Variants in TRIM2 observed in about 807,000 individuals in gnomAD.
TRIM2 encodes the protein tripartite motif-containing protein 2.
TRIM2 carries 20 observed loss-of-function variants against 75.2 expected under a neutral mutation model. The observed-to-expected ratio is 0.27, with a 90% CI of 0.19 to 0.39. The LOEUF (loss-of-function observed/expected upper bound fraction) is 0.39. TRIM2 is among the 10% of genes least tolerant of loss of function. TRIM2 has a pLI of 1.00. For synonymous variants in TRIM2, 373 were observed against 388.3 expected (o/e 0.96, Z 0.46); for missense variants, 660 against 990.8 (o/e 0.67, Z 4.48).
At chr4:153,304,003 G>C (rs1410991136) in intron 6 of TRIM2, among the ~76,000 whole-genome samples, 1 of 152,202 alleles carries the variant, frequency 6.6e-6, no homozygotes, top group East Asian at 1.9e-4. Flanking sequence ...ACATGTAAAA[G>C]ATGGAGTGCC....
intron 6 of TRIM2, among the ~76,000 whole-genome samples, chr4:153,310,718 A>C (rs966786421): frequency 6.6e-6 from 1 of 152,252 alleles, no homozygotes; most frequent in Non-Finnish European, 1.5e-5. Flanking sequence ...AGGAATCCCA[A>C]CCAGCCATTC....
At chr4:153,271,980 T>A (rs1756794445) in intron 2 of TRIM2, among the ~76,000 whole-genome samples, 2 of 152,162 alleles carry the variant, frequency 1.3e-5, no homozygotes, top group South Asian at 4.1e-4. Flanking sequence ...CTGCCCTAGG[T>A]CTGCCCCTGC....
chr4:153,215,924 C>A (rs367923624), intron 1 of TRIM2, among the ~76,000 whole-genome samples: 3 of 152,220 alleles, frequency 2.0e-5, no homozygotes, highest in African/African-American at 2.4e-5. Flanking sequence ...TAGTCCCAAG[C>A]AATACAGTTC....
chr4:153,154,125 C>G (rs74930738), intron 1 of TRIM2, among the ~76,000 whole-genome samples: 1 of 152,324 alleles, frequency 6.6e-6, no homozygotes, highest in Admixed American at 6.5e-5. Context: ...TAAAGAAACT[C>G]GGCCCTTCCC....
chr4:153,213,675 A>C (rs929722287), intron 1 of TRIM2, among the ~76,000 whole-genome samples: 3 of 152,056 alleles, frequency 2.0e-5, no homozygotes, highest in African/African-American at 4.8e-5. Flanking sequence ...TTACAGGTGC[A>C]TGCCACCATG....
Position 153,328,678 on chromosome 4 carries a change from A to T in TRIM2, c.2163+8A>T. The T allele has an allele frequency of 1.2e-6, 2 of 1,602,066 alleles. No homozygotes were observed. The highest frequency in any genetic ancestry group is 1.7e-6 in the Non-Finnish European group (2 of 1,175,994). ...GGAAACAGCAGGATCCAGGTAGATC[A>T]ATGTGCTAATGTATATGGTTAGAGT... On this transcript the variant is annotated splice_region_variant and intron_variant, in intron 11 of 11. Coordinates refer to ENST00000338700, the MANE Select transcript of TRIM2 (RefSeq NM_015271.5).
At chr4:153,245,822 G>A (rs1035628537) in intron 1 of TRIM2, among the ~76,000 whole-genome samples, 13 of 152,132 alleles carry the variant, frequency 8.5e-5, no homozygotes, top group African/African-American at 3.1e-4. Context: ...GACTACAGGT[G>A]TGCACCACCA....
upstream of TRIM2, among the ~76,000 whole-genome samples, chr4:153,199,723 T>C (rs1043031528): frequency 6.6e-6 from 1 of 152,184 alleles, no homozygotes; most frequent in African/African-American, 2.4e-5. Context: ...TGCACAAATA[T>C]AATGGATGAA....
At chr4:153,204,025 C>A (rs1734764704), upstream of TRIM2, among the ~76,000 whole-genome samples, 2 of 152,216 alleles carry the variant, frequency 1.3e-5, no homozygotes, top group African/African-American at 4.8e-5. Context: ...AACTAACTTT[C>A]TTGGCCTTTG....
Position 153,244,403 on chromosome 4 carries a change from TTC to T in TRIM2, c.31-25930_31-25929del, listed in dbSNP as rs1491135405. Reference sequence around the variant, plus strand: ...CTTCTTCTTCTTCTTCTTCTTCTTCTTCTTCTTCTTCTTCTTCTTCTTCTTCT... The same window carrying T: ...CTTCTTCTTCTTCTTCTTCTTCTTCTTTCTTCTTCTTCTTCTTCTTCTTCT... On this transcript the variant is annotated intron_variant, in intron 1 of 11. Coordinates refer to ENST00000338700, the MANE Select transcript of TRIM2 (RefSeq NM_015271.5). Among the ~76,000 whole-genome samples, 156 of 88,362 alleles carry T rather than the reference TTC, an allele frequency of 1.8e-3. 8 individuals carry two copies. The highest frequency in any genetic ancestry group is 2.3e-3 in the Non-Finnish European group (113 of 48,670). 58.0% of individuals were successfully genotyped at this position (88,362 alleles called of 152,430 possible).
intron 1 of TRIM2, among the ~76,000 whole-genome samples, chr4:153,235,087 T>G (rs1007307492): frequency 1.3e-5 from 2 of 151,740 alleles, no homozygotes; most frequent in African/African-American, 4.8e-5. Context: ...CTTGTTCCAC[T>G]TTTTTGTTGT....
Position 153,335,930 on chromosome 4 carries a change from A to G in TRIM2, c.*964A>G, listed in dbSNP as rs1299369133. 13 of 985,752 alleles carry G rather than the reference A, an allele frequency of 1.3e-5. No individual in the cohort carries two copies. The highest frequency in any genetic ancestry group is 1.6e-5 in the Non-Finnish European group (13 of 829,946). 61.1% of individuals were successfully genotyped at this position (985,752 alleles called of 1,614,324 possible). On this transcript the variant is annotated 3_prime_UTR_variant, in exon 12 of 12. Transcript: ENST00000338700. ...AGAGCCATAAGTAGCCCTTTGGAGG[A>G]CTGATGGTGTCAACCAAAGGCATGT...
intron 8 of TRIM2, among the ~76,000 whole-genome samples, chr4:153,317,570 AC>A (rs1336773901): frequency 1.3e-5 from 2 of 150,638 alleles, no homozygotes; most frequent in Admixed American, 6.6e-5. Flanking sequence ...AATGGTGTGA[AC>A]CCCGGGAGGC....
At position 153,243,826 on chromosome 4, in the gene TRIM2, C is replaced by A. The variant is rs35040874; in HGVS notation, c.31-26509C>A. On this transcript the variant is annotated intron_variant, in intron 1 of 11. Coordinates refer to ENST00000338700, the MANE Select transcript of TRIM2 (RefSeq NM_015271.5). ...CCCCTCCTTTTTTTTTTTCCCCCCC[C>A]CCTTGAGACAGGATCTCTCATTCTA... 6.5e-4 allele frequency among the ~76,000 whole-genome samples: 87 copies of A among 133,918 alleles called. 1 individual carries two copies. The highest frequency in any genetic ancestry group is 3.8e-3 in the Middle Eastern group (1 of 260). The allele number at this position is 133,918 out of a possible 152,430, so 87.9% of individuals were successfully genotyped here.
intron 1 of TRIM2, among the ~76,000 whole-genome samples, chr4:153,268,765 C>T (rs1755924044): frequency 6.6e-6 from 1 of 152,186 alleles, no homozygotes; most frequent in Admixed American, 6.5e-5. Context: ...TTGCTGTCTT[C>T]TCTTTCTGTG....
chr4:153,260,686 A>T (rs1031616731), intron 1 of TRIM2, among the ~76,000 whole-genome samples: 1 of 17,430 alleles, frequency 5.7e-5, no homozygotes, highest in Admixed American at 7.3e-4. Context: ...CCACCCACAC[A>T]CCCACCCCCC....
rs1328561705 is a variant in TRIM2 at position 153,290,528 on chromosome 4, G to T, written c.454-2454G>T. On this transcript the variant is annotated intron_variant, in intron 3 of 11. Transcript: ENST00000338700. ...CTTTCTGCTGGATTGTATCAGACTTGTACCAAAATAAGGTGCAAATGACCA... is the reference window on the plus strand; with the variant it reads ...CTTTCTGCTGGATTGTATCAGACTTTTACCAAAATAAGGTGCAAATGACCA... 2.0e-5 allele frequency among the ~76,000 whole-genome samples: 3 copies of T among 152,134 alleles called. No homozygotes were observed. The East Asian group carries it at 5.8e-4, about 29-fold the overall frequency.
chr4:153,170,749 G>T (rs1579293592), intron 1 of TRIM2, among the ~76,000 whole-genome samples: 1 of 152,108 alleles, frequency 6.6e-6, no homozygotes, highest in Admixed American at 6.6e-5. Flanking sequence ...CAGCCAGGGG[G>T]TAAAAACAGC....
chr4:153,335,748 A>T lies in TRIM2; in HGVS notation c.*782A>T. ...TTTTGGGAAACAAACTGCCCCGTTA[A>T]CTCCAGATCATTGCACTGGAATGTA... On this transcript the variant is annotated 3_prime_UTR_variant, in exon 12 of 12. Transcript: ENST00000338700. 1.0e-6 allele frequency: 1 copy of T among 985,804 alleles called. No homozygotes were observed. The highest frequency in any genetic ancestry group is 1.2e-6 in the Non-Finnish European group (1 of 829,914). The allele number at this position is 985,804 out of a possible 1,614,324, so 61.1% of individuals were successfully genotyped here.
Sources: gnomAD v4.1 joint callset for allele counts (sites outside exome capture counted in the v4.1 genomes callset) on GRCh38, gnomAD v4.1.1 for gene constraint, MANE v1.5 for transcripts, NCBI Gene and HGNC (gene_info 2026-07-23, HGNC 2026-07-21) for gene names.